The following ERBB2 variants were observed in gnomAD, a reference collection of about 807,000 sequenced individuals.
ERBB2 encodes erb-b2 receptor tyrosine kinase 2, also known as receptor tyrosine-protein kinase erbB-2.
Under a neutral mutation model 149.0 loss-of-function variants are expected in ERBB2, and 61 were observed. That is an observed-to-expected ratio of 0.41 (90% CI 0.33 to 0.51). The LOEUF (loss-of-function observed/expected upper bound fraction) is 0.51. ERBB2 is among the 20% of genes least tolerant of loss of function. The pLI is 0.25. For missense variants in ERBB2, 1,205 were observed against 1,655.1 expected, an observed-to-expected ratio of 0.73 and a Z score of 4.72; for synonymous variants, 633 against 678.8, an observed-to-expected ratio of 0.93 and a Z score of 1.05.
At position 39,708,386 on chromosome 17, in the gene ERBB2, G is replaced by A. The variant is rs2058588762; in HGVS notation, c.291G>A (p.Gln97=). 6.2e-7 allele frequency: 1 copy of A among 1,614,208 alleles called. No homozygotes were observed. Residue 97 remains glutamine, a synonymous_variant, in exon 3 of 27, where the codon CAG becomes CAA. Coordinates refer to ENST00000269571, the MANE Select transcript of ERBB2 (RefSeq NM_004448.4). Reference sequence around the variant, plus strand: ...ACCAAGTGAGGCAGGTCCCACTGCAGAGGCTGCGGATTGTGCGAGGCACCC... The same window carrying A: ...ACCAAGTGAGGCAGGTCCCACTGCAAAGGCTGCGGATTGTGCGAGGCACCC... The part of the protein sequence containing the change: ...AHNQVRQVPL[Q]RLRIVRGTQL...
chr17:39,725,366 C>T lies in ERBB2; in HGVS notation c.2689C>T (p.Arg897Trp), dbSNP rs375135008. The T allele has an allele frequency of 6.2e-6, 10 of 1,611,364 alleles. No homozygotes were observed. Among genetic ancestry groups the T allele is most frequent in the East Asian group, 2.2e-5 (1 of 44,734 alleles). ...GATGGCGCTGGAGTCCATTCTCCGC[C>T]GGCGGTTCACCCACCAGAGTGATGT... ...KWMALESILR[R>W]RFTHQSDVWS... Residue 897 changes from arginine (R) to tryptophan (W), a missense_variant, in exon 22 of 27, where the codon CGG (arginine) becomes TGG (tryptophan). By Grantham distance (101) the Arg-to-Trp change is moderately radical (BLOSUM62 -3). Transcript: ENST00000269571. The surrounding 1 kb of genome is among the most constrained non-coding windows in gnomAD (Gnocchi z 4.6).
In ERBB2 at chr17:39,708,535, G is replaced by C. The variant is rs2145447903; in HGVS notation, c.439+1G>C. The stretch of plus-strand genomic sequence containing the variant: ...GAGCTGCAGCTTCGAAGCCTCACAG[G>C]TGGCCTTCACCGTCATTGAAACCTT... On this transcript the variant is annotated splice_donor_variant, in intron 3 of 26. Coordinates refer to ENST00000269571, the MANE Select transcript of ERBB2 (RefSeq NM_004448.4). LOFTEE classifies it high-confidence loss of function. 6.2e-7 allele frequency: 1 copy of C among 1,613,054 alleles called. No homozygotes were observed. Among genetic ancestry groups the C allele is most frequent in the Non-Finnish European group, 8.5e-7 (1 of 1,179,176 alleles).
At position 39,728,037 on chromosome 17, in the gene ERBB2, C is replaced by A. The variant is rs2143323895; in HGVS notation, c.3761C>A (p.Pro1254Gln). The A allele has an allele frequency of 6.3e-7, 1 of 1,579,316 alleles. No individual in the cohort carries two copies. Residue 1254 changes from proline to glutamine, a missense_variant, in exon 27 of 27, where the codon CCA (proline) becomes CAA (glutamine). Coordinates refer to ENST00000269571, the MANE Select transcript of ERBB2 (RefSeq NM_004448.4). ...CCAGAGTACCTGGGTCTGGACGTGC[C>A]AGTGTGAACCAGAAGGCCAAGTCCG... ...ENPEYLGLDV[P>Q]V
intron 1 of ERBB2, among the ~76,000 whole-genome samples, chr17:39,705,241 G>C (rs554551829): frequency 2.6e-5 from 4 of 152,170 alleles, no homozygotes; most frequent in African/African-American, 9.7e-5. Flanking sequence ...GCCACAGCTG[G>C]TATCCCTTGA....
chr17:39,722,810 G>A (rs930622535), intron 16 of ERBB2, among the ~76,000 whole-genome samples: 33 of 151,802 alleles, frequency 2.2e-4, no homozygotes, highest in Non-Finnish European at 4.3e-4. Flanking sequence ...CTTGTCTCCC[G>A]GGTTCAAGCG....
At chr17:39,704,773 A>C (rs2058325107) in intron 1 of ERBB2, among the ~76,000 whole-genome samples, 1 of 152,112 alleles carries the variant, frequency 6.6e-6, no homozygotes, top group East Asian at 1.9e-4. Flanking sequence ...ATTCTTAATC[A>C]GACTCAAATT....
intron 7 of ERBB2, among the ~76,000 whole-genome samples, chr17:39,711,179 C>T (rs984046276): frequency 2.6e-5 from 4 of 151,868 alleles, no homozygotes; most frequent in Admixed American, 6.6e-5. Flanking sequence ...GGATTACAGG[C>T]GTGAGCCACT....
At chr17:39,709,209 TG>T in intron 3 of ERBB2, 108 bp from the exon 4 acceptor site, 13 of 1,288,310 alleles carry the variant, frequency 1.0e-5, no homozygotes, top group Non-Finnish European at 1.4e-5. Context: ...CTGGGGAATC[TG>T]GGGGTTGTTT....
rs2145875038 is a variant in ERBB2, at chr17:39,725,350, G to A, written c.2673G>A (p.Leu891=). The change falls in exon 22 of 27, where the codon CTG becomes CTA. Residue 891 remains leucine, a synonymous_variant. Coordinates refer to ENST00000269571, the MANE Select transcript of ERBB2 (RefSeq NM_004448.4). The surrounding 1 kb of genome is among the most constrained non-coding windows in gnomAD (Gnocchi z 4.6). ...AGGTGCCCATCAAGTGGATGGCGCT[G>A]GAGTCCATTCTCCGCCGGCGGTTCA... ...GGKVPIKWMA[L]ESILRRRFTH... 6.2e-7 allele frequency: 1 copy of A among 1,614,076 alleles called. No homozygotes were observed. Among genetic ancestry groups the A allele is most frequent in the Non-Finnish European group, 8.5e-7 (1 of 1,180,024 alleles).
upstream of ERBB2, among the ~76,000 whole-genome samples, chr17:39,692,359 G>T (rs566653779): frequency 6.6e-6 from 1 of 151,990 alleles, no homozygotes; most frequent in Non-Finnish European, 1.5e-5. Flanking sequence ...CTTGCCTCTG[G>T]TGGGAAGTGG....
chr17:39,697,649 C>T (rs905308172), upstream of ERBB2, among the ~76,000 whole-genome samples: 2 of 151,992 alleles, frequency 1.3e-5, no homozygotes, highest in African/African-American at 4.8e-5. Context: ...AGCCACCGCA[C>T]CCAGCCGTGC....
intron 19 of ERBB2, among the ~76,000 whole-genome samples, chr17:39,724,384 T>C (rs1351059378): frequency 6.6e-6 from 1 of 150,668 alleles, no homozygotes; most frequent in African/African-American, 2.4e-5. Context: ...CTCAGTCTCC[T>C]GAGTAGCTGG....
chr17:39,717,158 A>C, intron 14 of ERBB2, 162 bp from the exon 15 acceptor site: 1 of 569,182 alleles, frequency 1.8e-6, no homozygotes, highest in Admixed American at 3.5e-5. Context: ...GGGAGGGGCC[A>C]CAGAGACTGG....
At position 39,726,837 on chromosome 17, in the gene ERBB2, G is replaced by T. The variant is rs1173435256; in HGVS notation, c.2993G>T (p.Ser998Ile). 1 of 1,612,856 alleles carries T rather than the reference G, an allele frequency of 6.2e-7. No individual in the cohort carries two copies. The highest frequency in any genetic ancestry group is 1.1e-5 in the South Asian group (1 of 90,966). Residue 998 changes from serine (S) to isoleucine (I), a missense_variant, in exon 25 of 27, where the codon AGT becomes ATT. By Grantham distance (142) the Ser-to-Ile change is moderately radical. Coordinates refer to ENST00000269571, the MANE Select transcript of ERBB2 (RefSeq NM_004448.4). The surrounding 1 kb of genome is among the most constrained non-coding windows in gnomAD (Gnocchi z 5.1). ...VIQNEDLGPASPLDSTFYRSL... is the reference protein window; with the variant it reads ...VIQNEDLGPAIPLDSTFYRSL... ...CAGAATGAGGACTTGGGCCCAGCCA[G>T]TCCCTTGGACAGCACCTTCTACCGC...
chr17:39,704,876 C>T (rs1024937095), intron 1 of ERBB2, among the ~76,000 whole-genome samples: 1 of 152,146 alleles, frequency 6.6e-6, no homozygotes, highest in Non-Finnish European at 1.5e-5. Context: ...CCCTGCCCTC[C>T]GTAGAGCCTG....
In ERBB2 at chr17:39,725,872, C is replaced by CT; in HGVS notation, c.2872+20dup. ...GTCAAATGTGCGTGGCTGAGCTGTG[C>CT]TGGCTGCCTGGAGGAGGGTGGGAGG... is the stretch of plus-strand genomic sequence containing the variant. On this transcript the variant is annotated intron_variant, in intron 23 of 26. Transcript: ENST00000269571. This position sits in a 1 kb window ranked among gnomAD's most constrained non-coding sequence, Gnocchi z 4.6. 1 of 1,611,706 alleles carries CT rather than the reference C, an allele frequency of 6.2e-7. No homozygotes were observed. The highest frequency in any genetic ancestry group is 2.2e-5 in the East Asian group (1 of 44,732).
upstream of ERBB2, among the ~76,000 whole-genome samples, chr17:39,691,846 T>A (rs1421704846): frequency 6.9e-6 from 1 of 144,986 alleles, no homozygotes; most frequent in African/African-American, 2.6e-5. Context: ...TGTAATGTAC[T>A]AGCATGGTAA....
chr17:39,706,124 C>G (rs1359937465), intron 1 of ERBB2, among the ~76,000 whole-genome samples: 3 of 152,188 alleles, frequency 2.0e-5, no homozygotes, highest in Admixed American at 6.5e-5. Context: ...GGCTGGGGTC[C>G]AAGTGGGCCA....
Position 39,725,724 on chromosome 17 carries a change from C to A in ERBB2, c.2743C>A (p.Leu915Met), listed in dbSNP as rs1263919819. Residue 915 changes from leucine to methionine, a missense_variant, in exon 23 of 27, where the codon CTG becomes ATG. Physicochemically the swap from Leu to Met is conservative, Grantham distance 15 (BLOSUM62 2). Coordinates refer to ENST00000269571, the MANE Select transcript of ERBB2 (RefSeq NM_004448.4). The surrounding 1 kb of genome is among the most constrained non-coding windows in gnomAD (Gnocchi z 4.6). ...TGCCTTAGGTGTGACTGTGTGGGAG[C>A]TGATGACTTTTGGGGCCAAACCTTA... ...VWSYGVTVWE[L>M]MTFGAKPYDG... 4 of 1,613,102 alleles carry A rather than the reference C, an allele frequency of 2.5e-6. No individual in the cohort carries two copies. The highest frequency in any genetic ancestry group is 2.5e-6 in the Non-Finnish European group (3 of 1,179,550).
Sources: allele counts gnomAD v4.1 joint callset (sites outside exome capture counted in the v4.1 genomes callset), GRCh38; gene constraint gnomAD v4.1.1; non-coding constraint Gnocchi (gnomAD v3.1); transcripts MANE v1.5; gene names NCBI Gene and HGNC (gene_info 2026-07-23, HGNC 2026-07-21).